FAM135B: variants seen among roughly 807,000 people sequenced by gnomAD.
The protein encoded by FAM135B is family with sequence similarity 135 member B.
Under a neutral mutation model 127.7 loss-of-function variants are expected in FAM135B, and 43 were observed. That is an observed-to-expected ratio of 0.34 (90% CI 0.26 to 0.43). The LOEUF (loss-of-function observed/expected upper bound fraction) is 0.43, where lower values mean the gene tolerates loss of function less well. FAM135B is among the 20% of genes least tolerant of loss of function. The probability of loss-of-function intolerance (pLI) is 1.00; values close to 1 mark genes in which losing one functional copy is unlikely to be tolerated. For missense variants in FAM135B, 1,558 were observed against 1,725.6 expected, an observed-to-expected ratio of 0.90 and a Z score of 1.72; for synonymous variants, 670 against 665.1, an observed-to-expected ratio of 1.01 and a Z score of -0.11.
rs561081828 is a variant in FAM135B, at chr8:138,245,119, C to T, written c.543-2051G>A. On this transcript the variant is annotated intron_variant, in intron 6 of 19. Coordinates refer to ENST00000395297, the MANE Select transcript of FAM135B (RefSeq NM_015912.4). ...AGACAATTCTATTTTTACCCCCAAC[C>T]CTGAAGAAGTCTAGCCCTTACTGTG... Among the ~76,000 whole-genome samples the T allele has an allele frequency of 1.3e-4, 20 of 152,256 alleles. No homozygotes were observed. In the East Asian group the frequency reaches 3.5e-3, roughly 27 times the overall value.
intron 1 of FAM135B, among the ~76,000 whole-genome samples, chr8:138,451,504 C>G (rs566769060): frequency 6.6e-6 from 1 of 152,138 alleles, no homozygotes; most frequent in Admixed American, 6.5e-5. Flanking sequence ...TCCTATGAGT[C>G]ACCTGGAGAT....
intron 3 of FAM135B, among the ~76,000 whole-genome samples, chr8:138,288,200 T>C (rs1563860041): frequency 6.6e-6 from 1 of 152,120 alleles, no homozygotes; most frequent in Non-Finnish European, 1.5e-5. Flanking sequence ...TATTACTGAG[T>C]GCCCAGTTTG....
chr8:138,351,335 A>G (rs1448306586), intron 2 of FAM135B, among the ~76,000 whole-genome samples: 1 of 152,190 alleles, frequency 6.6e-6, no homozygotes. Flanking sequence ...GTGTCCTTAT[A>G]AAAGGGGAAG....
intron 1 of FAM135B, among the ~76,000 whole-genome samples, chr8:138,374,893 C>T (rs531459117): frequency 1.3e-5 from 2 of 152,216 alleles, no homozygotes; most frequent in Admixed American, 1.3e-4. Context: ...GATCTCCATC[C>T]ACAGCACATC....
rs145453026 is a variant in FAM135B, at chr8:138,309,858, C to CTTTTTTTT, written c.157+975_157+982dup. On this transcript the variant is annotated intron_variant, in intron 3 of 19. Transcript: ENST00000395297. ...CTACCCTACTCTTTAAGTCTTTCTA[C>CTTTTTTTT]TTTTTTTTTTTTTTTTTTTTTTTTG... Among the ~76,000 whole-genome samples the CTTTTTTTT allele has an allele frequency of 1.3e-3, 111 of 86,744 alleles. 2 individuals carry two copies. The highest frequency in any genetic ancestry group is 5.4e-3 in the East Asian group (16 of 2,936). The allele number at this position is 86,744 out of a possible 152,430, so 56.9% of individuals were successfully genotyped here.
intron 1 of FAM135B, among the ~76,000 whole-genome samples, chr8:138,460,837 A>G (rs1050291011): frequency 3.3e-5 from 5 of 152,234 alleles, no homozygotes; most frequent in East Asian, 3.9e-4. Flanking sequence ...CAATGTGACA[A>G]CAAGGCAATA....
rs745362333 is a variant in FAM135B, at chr8:138,137,135, A to C, written c.4015+12T>G. 1.9e-5 allele frequency: 25 copies of C among 1,350,936 alleles called. No individual in the cohort carries two copies. Among genetic ancestry groups the C allele is most frequent in the Non-Finnish European group, 2.7e-5 (25 of 943,268 alleles). The allele number at this position is 1,350,936 out of a possible 1,614,324, so 83.7% of individuals were successfully genotyped here. ...TTAGAAAGTCCCTGAGCAAAAATTA[A>C]ATGTAGCTTACCTGTGTGTCTGTCT... On this transcript the variant is annotated intron_variant, in intron 19 of 19. Transcript: ENST00000395297.
intron 1 of FAM135B, among the ~76,000 whole-genome samples, chr8:138,409,428 T>A (rs1425464167): frequency 6.6e-6 from 1 of 152,034 alleles, no homozygotes; most frequent in Admixed American, 6.5e-5. Flanking sequence ...AATGAAAAGG[T>A]ATGAAAATTG....
intron 7 of FAM135B, among the ~76,000 whole-genome samples, chr8:138,203,832 T>G (rs1213078551): frequency 6.6e-6 from 1 of 152,204 alleles, no homozygotes; most frequent in African/African-American, 2.4e-5. Context: ...GCCCTGAGCT[T>G]GTTTTTCTGG....
intron 3 of FAM135B, among the ~76,000 whole-genome samples, chr8:138,295,433 A>G (rs568139030): frequency 9.9e-5 from 15 of 152,114 alleles, no homozygotes; most frequent in Admixed American, 5.9e-4. Context: ...TTGGGAAGAG[A>G]GAGGAATAAA....
intron 1 of FAM135B, among the ~76,000 whole-genome samples, chr8:138,449,002 T>C (rs755865598): frequency 2.8e-4 from 42 of 152,280 alleles, no homozygotes; most frequent in Non-Finnish European, 5.3e-4. Context: ...ATCTCTTCCA[T>C]TGTATTGCTG....
intron 8 of FAM135B, 47 bp from the exon 9 acceptor site, chr8:138,195,354 ATGCAGCAGT>A: frequency 1.3e-6 from 2 of 1,570,692 alleles, no homozygotes; most frequent in Non-Finnish European, 1.7e-6. Flanking sequence ...CCACACTGAA[ATGCAGCAGT>A]TGCTAATTAA....
intron 5 of FAM135B, among the ~76,000 whole-genome samples, chr8:138,254,681 C>G (rs1213376803): frequency 2.0e-5 from 3 of 152,184 alleles, no homozygotes; most frequent in Admixed American, 6.5e-5. Flanking sequence ...AGTCTCTACA[C>G]TATCCTGCTA....
chr8:138,456,939 G>T (rs1450139162), intron 1 of FAM135B, among the ~76,000 whole-genome samples: 1 of 151,774 alleles, frequency 6.6e-6, no homozygotes, highest in African/African-American at 2.4e-5. Flanking sequence ...ATAAAACGGG[G>T]GAAGGACCAG....
At position 138,131,863 on chromosome 8, in the gene FAM135B, T is replaced by C. The variant is rs527421749; in HGVS notation, c.*730A>G. On this transcript the variant is annotated 3_prime_UTR_variant, in exon 20 of 20. Transcript: ENST00000395297. ...ATAATTTGTGGATCAGGGCTCTGCA[T>C]AGAAGAATTCTGGGGAAGTAGGTGG... The C allele has an allele frequency of 6.5e-6, 1 of 152,812 alleles. No individual in the cohort carries two copies. The highest frequency in any genetic ancestry group is 1.9e-4 in the East Asian group (1 of 5,184). The allele number at this position is 152,812 out of a possible 1,614,324, so 9.5% of individuals were successfully genotyped here. A position where few individuals can be genotyped will look rare whatever the true frequency, so the allele number is the denominator to read the frequency against.
At chr8:138,380,485 T>C (rs1300495129) in intron 1 of FAM135B, among the ~76,000 whole-genome samples, 4 of 152,144 alleles carry the variant, frequency 2.6e-5, no homozygotes, top group African/African-American at 7.2e-5. Flanking sequence ...TGAGCCACCA[T>C]GCCTGGCCAC....
At chr8:138,288,953 G>A (rs1458714020) in intron 3 of FAM135B, among the ~76,000 whole-genome samples, 1 of 152,142 alleles carries the variant, frequency 6.6e-6, no homozygotes, top group Admixed American at 6.5e-5. Flanking sequence ...TGATGACAAC[G>A]CTTGCCTATG....
chr8:138,406,153 C>T (rs1833474080), intron 1 of FAM135B, among the ~76,000 whole-genome samples: 2 of 150,996 alleles, frequency 1.3e-5, no homozygotes, highest in Admixed American at 1.3e-4. Flanking sequence ...AATTTTCTCC[C>T]ATTTTGTAGG....
intron 1 of FAM135B, among the ~76,000 whole-genome samples, chr8:138,495,027 T>C (rs903480126): frequency 4.6e-5 from 7 of 152,196 alleles, no homozygotes; most frequent in African/African-American, 1.7e-4. Context: ...ACTACAGTGT[T>C]TCCACTGTGA....
Sources: gnomAD v4.1 joint callset for allele counts (sites outside exome capture counted in the v4.1 genomes callset) on GRCh38, gnomAD v4.1.1 for gene constraint, MANE v1.5 for transcripts, NCBI Gene and HGNC (gene_info 2026-07-23, HGNC 2026-07-21) for gene names.